GRIK4: variants seen among roughly 807,000 people sequenced by gnomAD.
The protein encoded by GRIK4 is glutamate ionotropic receptor kainate type subunit 4, also known as glutamate receptor ionotropic, kainate 4.
Under a neutral mutation model 104.9 loss-of-function variants are expected in GRIK4, and 40 were observed. That is an observed-to-expected ratio of 0.38 (90% CI 0.30 to 0.50). The LOEUF (loss-of-function observed/expected upper bound fraction) is 0.50. Ranked by LOEUF, GRIK4 falls within the 20% of genes least tolerant of loss-of-function variation. The pLI is 0.93. For missense variants in GRIK4, 1,047 were observed against 1,308.1 expected (o/e 0.80, Z 3.08); for synonymous variants, 485 against 524.9 (o/e 0.92, Z 1.04).
chr11:120,800,440 C>T (rs2135508939), intron 3 of GRIK4, among the ~76,000 whole-genome samples: 1 of 152,314 alleles, frequency 6.6e-6, no homozygotes, highest in South Asian at 2.1e-4. Flanking sequence ...GTAGCCATCT[C>T]ATTCTGGTCG....
intron 1 of GRIK4, among the ~76,000 whole-genome samples, chr11:120,607,335 G>A (rs1948975220): frequency 1.3e-5 from 2 of 152,226 alleles, no homozygotes; most frequent in Non-Finnish European, 2.9e-5. Context: ...CAGTGAGGCA[G>A]GGAGGGGCAC....
rs529928352 is a variant in GRIK4 at position 120,819,036 on chromosome 11, G to T, written c.346-719G>T. 6.6e-6 allele frequency among the ~76,000 whole-genome samples: 1 copy of T among 152,226 alleles called. No individual in the cohort carries two copies. The highest frequency in any genetic ancestry group is 1.9e-4 in the East Asian group (1 of 5,198). On this transcript the variant is annotated intron_variant, in intron 5 of 20. Transcript: ENST00000527524. This position sits in a 1 kb window ranked among gnomAD's most constrained non-coding sequence, Gnocchi z 4.3. ...TTTCCTGGGAGAAGAGAGGCAGAAG[G>T]CAGGACAGTGGGTCCTGGAAATGTC...
intron 8 of GRIK4, among the ~76,000 whole-genome samples, chr11:120,845,827 T>A (rs1178850573): frequency 6.6e-6 from 1 of 152,220 alleles, no homozygotes; most frequent in East Asian, 1.9e-4. Flanking sequence ...CATAATATAG[T>A]ATACTTTGAT....
chr11:120,776,168 G>T (rs1952038232), intron 3 of GRIK4, among the ~76,000 whole-genome samples: 1 of 152,224 alleles, frequency 6.6e-6, no homozygotes, highest in Non-Finnish European at 1.5e-5. Context: ...GTGCAGACGT[G>T]GCTGCAATGT....
At chr11:120,672,506 C>T (rs1415820605) in intron 3 of GRIK4, among the ~76,000 whole-genome samples, 1 of 152,184 alleles carries the variant, frequency 6.6e-6, no homozygotes, top group African/African-American at 2.4e-5. Flanking sequence ...AGCATCGAAT[C>T]TGTGAATTAC....
At chr11:120,582,149 C>T (rs755235835) in intron 1 of GRIK4, among the ~76,000 whole-genome samples, 7 of 151,922 alleles carry the variant, frequency 4.6e-5, no homozygotes, top group Non-Finnish European at 8.8e-5. Context: ...TGTAGGCAGG[C>T]TTGAGAAGAA....
chr11:120,880,910 A>G (rs1954952843), intron 11 of GRIK4, among the ~76,000 whole-genome samples: 1 of 152,208 alleles, frequency 6.6e-6, no homozygotes, highest in South Asian at 2.1e-4. Context: ...GGGGCCGGGA[A>G]TGTAAGATTC....
chr11:120,743,422 GAGGGTGGAAGGT>G (rs1401863440), intron 3 of GRIK4, among the ~76,000 whole-genome samples: 2 of 152,128 alleles, frequency 1.3e-5, no homozygotes, highest in African/African-American at 2.4e-5. Flanking sequence ...GGGTCTACTT[GAGGGTGGAAGGT>G]AGGAGAAGGG....
chr11:120,774,774 C>T (rs1158187247), intron 3 of GRIK4, among the ~76,000 whole-genome samples: 5 of 152,016 alleles, frequency 3.3e-5, no homozygotes, highest in Non-Finnish European at 5.9e-5. Flanking sequence ...GCTGGGAAGC[C>T]GAGAGGAGTG....
intron 6 of GRIK4, among the ~76,000 whole-genome samples, chr11:120,825,613 G>A (rs1953237768): frequency 6.6e-6 from 1 of 152,210 alleles, no homozygotes; most frequent in Non-Finnish European, 1.5e-5. Flanking sequence ...TGGATCTCGA[G>A]GCAGTCCCTG....
chr11:120,665,764 G>T (rs1411414424), intron 3 of GRIK4, among the ~76,000 whole-genome samples: 9 of 152,166 alleles, frequency 5.9e-5, no homozygotes, highest in African/African-American at 2.2e-4. Context: ...GCACACACTT[G>T]TGCTTATGTA....
intron 6 of GRIK4, among the ~76,000 whole-genome samples, chr11:120,829,213 A>T (rs1953358313): frequency 6.6e-6 from 1 of 152,112 alleles, no homozygotes; most frequent in Non-Finnish European, 1.5e-5. Context: ...GAGACTCCAG[A>T]TGCACCAGCT....
At chr11:120,609,907 G>A (rs1271873952) in intron 1 of GRIK4, among the ~76,000 whole-genome samples, 9 of 151,714 alleles carry the variant, frequency 5.9e-5, no homozygotes, top group Non-Finnish European at 1.2e-4. Flanking sequence ...TCCTTTCCTC[G>A]GCTCTCTCCA....
In GRIK4 at chr11:120,737,652, A is replaced by T. The variant is rs184647051; in HGVS notation, c.83-65041A>T. The stretch of plus-strand genomic sequence containing the variant: ...TAGAAGACATAAAGTTTCAAAAACT[A>T]GGCAAGACTAGTGTCTAGGAATGCA... On this transcript the variant is annotated intron_variant, in intron 3 of 20. Transcript: ENST00000527524. Among the ~76,000 whole-genome samples, 81 of 152,352 alleles carry T rather than the reference A, an allele frequency of 5.3e-4. 1 individual carries two copies. In the East Asian group the frequency reaches 0.014, roughly 27 times the overall value.
chr11:120,941,931 C>T (rs919088585), intron 14 of GRIK4, among the ~76,000 whole-genome samples: 1 of 152,190 alleles, frequency 6.6e-6, no homozygotes, highest in African/African-American at 2.4e-5. Flanking sequence ...ATGAATAGAG[C>T]TGTGTCATTC....
chr11:120,705,774 G>A (rs773960175), intron 3 of GRIK4, among the ~76,000 whole-genome samples: 5 of 152,036 alleles, frequency 3.3e-5, no homozygotes, highest in Non-Finnish European at 7.4e-5. Flanking sequence ...TAACGCTATC[G>A]TAAATGGAAA....
chr11:120,570,836 C>T (rs1048228054), intron 1 of GRIK4, among the ~76,000 whole-genome samples: 2 of 139,634 alleles, frequency 1.4e-5, no homozygotes, highest in East Asian at 3.8e-4. Flanking sequence ...GGTATTTAAA[C>T]TTTAGTTAAA....
intron 20 of GRIK4, 75 bp downstream of exon 20, chr11:120,982,299 T>C: frequency 1.2e-6 from 1 of 822,182 alleles, no homozygotes; most frequent in African/African-American, 1.7e-5. Flanking sequence ...ACATATAAGG[T>C]TATTTCAGAC....
chr11:120,520,277 C>T (rs1947781065), intron 1 of GRIK4, among the ~76,000 whole-genome samples: 1 of 152,254 alleles, frequency 6.6e-6, no homozygotes, highest in Non-Finnish European at 1.5e-5. Flanking sequence ...CACCCTCAAG[C>T]CCCAGTCCCA....
Sources: gnomAD v4.1 joint callset for allele counts (sites outside exome capture counted in the v4.1 genomes callset) on GRCh38, gnomAD v4.1.1 for gene constraint, Gnocchi (gnomAD v3.1) non-coding constraint, MANE v1.5 for transcripts, NCBI Gene and HGNC (gene_info 2026-07-23, HGNC 2026-07-21) for gene names.